Variants in TMC1 observed in about 807,000 individuals in gnomAD.
The protein encoded by TMC1 is transmembrane channel-like protein 1.
A neutral mutation model predicts 105.8 loss-of-function variants in TMC1; 84 were observed. The observed-to-expected ratio is 0.79, with a 90% CI of 0.67 to 0.95. The LOEUF is 0.95. Among genes scored for constraint, TMC1 ranks in the 40% least tolerant of loss-of-function variants. The pLI is 0.00. For synonymous variants in TMC1, 315 were observed against 311.5 expected (o/e 1.01, Z -0.12); for missense variants, 817 against 914.1 (o/e 0.89, Z 1.37).
At chr9:72,737,909 T>G (rs930266104) in intron 8 of TMC1, among the ~76,000 whole-genome samples, 1 of 152,204 alleles carries the variant, frequency 6.6e-6, no homozygotes, top group Non-Finnish European at 1.5e-5. Flanking sequence ...TCAGGGTGTT[T>G]GACAACAAGG....
In TMC1 at chr9:72,820,827, C is replaced by T. The variant is rs772773999; in HGVS notation, c.1764-15C>T. The T allele has an allele frequency of 6.2e-7, 1 of 1,613,928 alleles. No homozygotes were observed. Among genetic ancestry groups the T allele is most frequent in the East Asian group, 2.2e-5 (1 of 44,876 alleles). On this transcript the variant is annotated splice_polypyrimidine_tract_variant and intron_variant, in intron 19 of 23. Transcript: ENST00000297784. ...TAAAGACTCAAAACTGAGCAGAGTT[C>T]TGTTTTCTTTCTAGGATGGGCTCCT...
chr9:72,804,360 G>A (rs947109985), intron 17 of TMC1, among the ~76,000 whole-genome samples: 5 of 152,138 alleles, frequency 3.3e-5, no homozygotes, highest in African/African-American at 9.6e-5. Context: ...AAAACTGCAC[G>A]TGTACCCCAG....
intron 2 of TMC1, among the ~76,000 whole-genome samples, chr9:72,613,801 C>G (rs558552793): frequency 6.6e-6 from 1 of 151,748 alleles, no homozygotes; most frequent in Non-Finnish European, 1.5e-5. Flanking sequence ...ACAGGATTAA[C>G]GAAAGTCTCA....
At chr9:72,739,996 A>G (rs1827360746) in intron 8 of TMC1, 123 bp from the exon 9 acceptor site, 5 of 729,138 alleles carry the variant, frequency 6.9e-6, no homozygotes, top group Non-Finnish European at 9.4e-6. Context: ...GTCTAGGTTC[A>G]CCTGTGAAGG....
chr9:72,580,441 A>G (rs1038450737), intron 2 of TMC1, among the ~76,000 whole-genome samples: 1 of 152,142 alleles, frequency 6.6e-6, no homozygotes, highest in Non-Finnish European at 1.5e-5. Context: ...CAGGGATCCA[A>G]CCTGGCTTTG....
chr9:72,643,116 C>T (rs192428588), intron 4 of TMC1, among the ~76,000 whole-genome samples: 10 of 150,854 alleles, frequency 6.6e-5, no homozygotes, highest in Non-Finnish European at 1.2e-4. Flanking sequence ...TTCTCCTTTC[C>T]TCCCTCCTTC....
At chr9:72,806,703 G>T (rs1828599878) in intron 18 of TMC1, among the ~76,000 whole-genome samples, 1 of 151,834 alleles carries the variant, frequency 6.6e-6, no homozygotes, top group South Asian at 2.1e-4. Flanking sequence ...TCCTAGATGT[G>T]ATGGTGGCCG....
intron 13 of TMC1, among the ~76,000 whole-genome samples, chr9:72,780,536 C>G (rs931113097): frequency 1.3e-5 from 2 of 152,154 alleles, no homozygotes; most frequent in Admixed American, 1.3e-4. Context: ...CAGTGACACC[C>G]ACAGGCTCAA....
intron 1 of TMC1, among the ~76,000 whole-genome samples, chr9:72,535,057 A>G (rs944374139): frequency 6.6e-5 from 10 of 151,836 alleles, no homozygotes; most frequent in Admixed American, 2.6e-4. Flanking sequence ...AGAGAGAGAA[A>G]AAAAAAAAGC....
At chr9:72,597,381 C>T (rs1200814782) in intron 2 of TMC1, among the ~76,000 whole-genome samples, 2 of 152,322 alleles carry the variant, frequency 1.3e-5, no homozygotes, top group Admixed American at 6.5e-5. Flanking sequence ...GGAGTCACAG[C>T]GCCCTCTGAC....
At chr9:72,793,442 A>C (rs1828309930) in intron 17 of TMC1, among the ~76,000 whole-genome samples, 1 of 152,188 alleles carries the variant, frequency 6.6e-6, no homozygotes, top group South Asian at 2.1e-4. Flanking sequence ...TTCAGGCTTC[A>C]GAGAGTCCAA....
chr9:72,585,318 T>A (rs1319406132), intron 2 of TMC1, among the ~76,000 whole-genome samples: 7 of 50,042 alleles, frequency 1.4e-4, no homozygotes. Context: ...GCCCTGCTAA[T>A]TTTTTGTACT....
At chr9:72,543,658 C>T (rs554942660) in intron 1 of TMC1, among the ~76,000 whole-genome samples, 3 of 152,300 alleles carry the variant, frequency 2.0e-5, no homozygotes, top group African/African-American at 7.2e-5. Context: ...TGGTGGGTGC[C>T]TGTAATCCCA....
At chr9:72,821,353 T>G (rs935410983) in intron 20 of TMC1, among the ~76,000 whole-genome samples, 1 of 151,430 alleles carries the variant, frequency 6.6e-6, no homozygotes, top group African/African-American at 2.4e-5. Context: ...GAAAAAAAAA[T>G]TAGTCGCGTG....
chr9:72,609,397 T>C (rs974342799), intron 2 of TMC1, among the ~76,000 whole-genome samples: 1 of 151,734 alleles, frequency 6.6e-6, no homozygotes, highest in Admixed American at 6.6e-5. Flanking sequence ...AAATTAGTAG[T>C]GTATGGTGGC....
At chr9:72,725,355 ATATATATATATATG>A (rs1185494620) in intron 8 of TMC1, among the ~76,000 whole-genome samples, 116 of 80,314 alleles carry the variant, frequency 1.4e-3, no homozygotes, top group African/African-American at 5.1e-3. Flanking sequence ...ATATATATAT[ATATATATATATATG>A]TATATACACA....
At chr9:72,716,854 C>T (rs1826929196) in intron 8 of TMC1, among the ~76,000 whole-genome samples, 1 of 152,196 alleles carries the variant, frequency 6.6e-6, no homozygotes, top group Non-Finnish European at 1.5e-5. Flanking sequence ...GCCCAAACGG[C>T]AGCCCAGTTT....
At chr9:72,725,815 C>T (rs920863068) in intron 8 of TMC1, among the ~76,000 whole-genome samples, 6 of 152,176 alleles carry the variant, frequency 3.9e-5, no homozygotes, top group Admixed American at 6.5e-5. Flanking sequence ...CTCAGCCTCC[C>T]GAGTACCTGG....
intron 4 of TMC1, among the ~76,000 whole-genome samples, chr9:72,629,897 A>G (rs1044119239): frequency 1.6e-4 from 24 of 151,698 alleles, no homozygotes; most frequent in African/African-American, 5.6e-4. Context: ...GTGGAGTCTC[A>G]CTCTGTCACC....
Sources: gnomAD v4.1 joint callset for allele counts (sites outside exome capture counted in the v4.1 genomes callset) on GRCh38, gnomAD v4.1.1 for gene constraint, MANE v1.5 for transcripts, NCBI Gene and HGNC (gene_info 2026-07-23, HGNC 2026-07-21) for gene names.